Variants in CUX1 observed in about 807,000 individuals in gnomAD.
CUX1 encodes protein CASP.
CUX1 carries 31 observed loss-of-function variants against 158.8 expected under a neutral mutation model. That is an observed-to-expected ratio of 0.20 (90% CI 0.15 to 0.26). The LOEUF is 0.26. Among genes scored for constraint, CUX1 ranks in the 10% least tolerant of loss-of-function variants. The pLI is 1.00. For missense variants in CUX1, 1,589 were observed against 2,014.6 expected, an observed-to-expected ratio of 0.79 and a Z score of 4.04; for synonymous variants, 879 against 862.1, an observed-to-expected ratio of 1.02 and a Z score of -0.34.
rs782662853 is a variant in CUX1 at position 102,189,799 on chromosome 7, TTC to T, written c.1018-10_1018-9del. 5.0e-6 allele frequency: 8 copies of T among 1,614,074 alleles called. No homozygotes were observed. Among genetic ancestry groups the T allele is most frequent in the Non-Finnish European group, 8.5e-7 (1 of 1,179,988 alleles). ...TCAGGCATGGCCACTGATCAAATTC[TTC>T]TCTGTTTTCAGCAACTGGAAGAAAA... On this transcript the variant is annotated splice_polypyrimidine_tract_variant and intron_variant, in intron 11 of 23. Coordinates refer to ENST00000292535, the MANE Select transcript of CUX1 (RefSeq NM_181552.4).
chr7:102,016,463 G>A (rs932680482), intron 2 of CUX1, among the ~76,000 whole-genome samples: 5 of 152,162 alleles, frequency 3.3e-5, no homozygotes, highest in Non-Finnish European at 5.9e-5. Flanking sequence ...AACATCTGTC[G>A]CATAAATGGA....
At chr7:101,978,636 T>C (rs987569986) in intron 2 of CUX1, among the ~76,000 whole-genome samples, 1 of 152,210 alleles carries the variant, frequency 6.6e-6, no homozygotes, top group Non-Finnish European at 1.5e-5. Context: ...CCATCCAACC[T>C]TCCACATTCT....
intron 23 of CUX1, among the ~76,000 whole-genome samples, chr7:102,245,541 T>C (rs1800716875): frequency 6.6e-6 from 1 of 152,176 alleles, no homozygotes; most frequent in Admixed American, 6.5e-5. Flanking sequence ...AAACAGCGGC[T>C]GGATAGGGGG....
intron 7 of CUX1, 105 bp from the exon 8 acceptor site, chr7:102,115,102 C>T (rs968493058): frequency 7.4e-6 from 7 of 948,164 alleles, no homozygotes; most frequent in South Asian, 3.0e-5. Context: ...CCACGCACCT[C>T]GCTCCTCACA....
chr7:101,874,940 G>A (rs1212523881), intron 1 of CUX1, among the ~76,000 whole-genome samples: 1 of 152,200 alleles, frequency 6.6e-6, no homozygotes, highest in South Asian at 2.1e-4. Context: ...GACAGACACC[G>A]CTGCTGTTAG....
At chr7:101,900,090 G>C (rs939087516) in intron 1 of CUX1, among the ~76,000 whole-genome samples, 20 of 152,206 alleles carry the variant, frequency 1.3e-4, no homozygotes, top group Non-Finnish European at 2.9e-4. Context: ...GACAGCTGGA[G>C]TCACTGTTCC....
At chr7:102,212,843 C>A (rs1554523542) in intron 20 of CUX1, among the ~76,000 whole-genome samples, 2 of 152,108 alleles carry the variant, frequency 1.3e-5, no homozygotes, top group African/African-American at 4.8e-5. Flanking sequence ...GAGAATTTTC[C>A]CTTTTTGTGT....
intron 1 of CUX1, among the ~76,000 whole-genome samples, chr7:101,849,284 GT>G (rs879621355): frequency 1.1e-3 from 147 of 139,226 alleles, no homozygotes; most frequent in Middle Eastern, 3.6e-3. Flanking sequence ...GTATCCATTA[GT>G]TTTTTTTTTT....
At chr7:102,096,670 C>T (rs142380518) in intron 4 of CUX1, among the ~76,000 whole-genome samples, 3,607 of 152,276 alleles carry the variant, frequency 0.024, 77 homozygotes, top group Non-Finnish European at 0.034. Context: ...CATGCCACTG[C>T]ACTCCAGCCT....
chr7:102,137,726 T>G (rs1834056207), intron 8 of CUX1, among the ~76,000 whole-genome samples: 1 of 152,226 alleles, frequency 6.6e-6, no homozygotes, highest in African/African-American at 2.4e-5. Context: ...TCATTCCATT[T>G]TTATTTTACA....
chr7:102,222,922 C>T lies in CUX1; in HGVS notation c.3131-4445C>T, dbSNP rs527349246. On this transcript the variant is annotated intron_variant, in intron 20 of 23. Coordinates refer to ENST00000292535, the MANE Select transcript of CUX1 (RefSeq NM_181552.4). ...GCAACCGCCACCTCCCAGGTTCAAG[C>T]AATTCCCCTGTCTCAGCTTCCCGAG... 4.2e-4 allele frequency among the ~76,000 whole-genome samples: 63 copies of T among 148,402 alleles called. 2 individuals carry two copies. In the South Asian group the frequency reaches 8.1e-3, roughly 19 times the overall value.
At chr7:102,060,870 C>CA (rs1824774821) in intron 3 of CUX1, among the ~76,000 whole-genome samples, 1 of 145,384 alleles carries the variant, frequency 6.9e-6, no homozygotes, top group Admixed American at 6.9e-5. Flanking sequence ...CCTCAGCCTC[C>CA]AAAAGCACTG....
At chr7:101,928,357 CT>C (rs1345100830) in intron 2 of CUX1, among the ~76,000 whole-genome samples, 10 of 146,434 alleles carry the variant, frequency 6.8e-5, no homozygotes, top group South Asian at 2.2e-4. Context: ...CACAAATGGC[CT>C]TTTTTTTTTC....
At chr7:102,145,544 T>C (rs1298593705) in intron 8 of CUX1, among the ~76,000 whole-genome samples, 1 of 152,078 alleles carries the variant, frequency 6.6e-6, no homozygotes, top group Non-Finnish European at 1.5e-5. Flanking sequence ...TCTTTTCCTT[T>C]CTTTTTGTGT....
chr7:101,861,486 C>T (rs969285869), intron 1 of CUX1, among the ~76,000 whole-genome samples: 128 of 152,260 alleles, frequency 8.4e-4, no homozygotes, highest in African/African-American at 2.8e-3. Context: ...ACTGCCTGCC[C>T]GGCATGCACT....
At chr7:102,052,615 G>A (rs895625511) in intron 3 of CUX1, among the ~76,000 whole-genome samples, 1 of 152,142 alleles carries the variant, frequency 6.6e-6, no homozygotes, top group South Asian at 2.1e-4. Flanking sequence ...ATATACATAA[G>A]TTTTTGTGCA....
At chr7:102,155,856 C>T (rs1789691593) in intron 8 of CUX1, among the ~76,000 whole-genome samples, 1 of 152,088 alleles carries the variant, frequency 6.6e-6, no homozygotes, top group Non-Finnish European at 1.5e-5. Flanking sequence ...CTGACCCTTC[C>T]CCACTCCCTG....
intron 14 of CUX1, among the ~76,000 whole-genome samples, chr7:102,271,696 T>C (rs1791222707): frequency 6.6e-6 from 1 of 152,186 alleles, no homozygotes; most frequent in South Asian, 2.1e-4. Flanking sequence ...ACCACCTTCC[T>C]GCCAGGGACC....
chr7:102,102,846 C>T (rs1432105449), intron 5 of CUX1, among the ~76,000 whole-genome samples: 2 of 152,096 alleles, frequency 1.3e-5, no homozygotes, highest in African/African-American at 2.4e-5. Flanking sequence ...GTGGCATAGG[C>T]GTATCTGGAG....
Sources: gnomAD v4.1 joint callset for allele counts (sites outside exome capture counted in the v4.1 genomes callset) on GRCh38, gnomAD v4.1.1 for gene constraint, MANE v1.5 for transcripts, NCBI Gene and HGNC (gene_info 2026-07-23, HGNC 2026-07-21) for gene names.